Variants in CHN1 observed in about 807,000 individuals in gnomAD.
The protein encoded by CHN1 is N-chimaerin.
Under a neutral mutation model 59.5 loss-of-function variants are expected in CHN1, and 37 were observed. The ratio of observed to expected loss-of-function variants is 0.62; its 90% CI spans 0.48 to 0.82. The LOEUF is 0.82. CHN1 is among the 40% of genes least tolerant of loss of function. The pLI is 0.00. For synonymous variants in CHN1, 206 were observed against 200.4 expected, an observed-to-expected ratio of 1.03 and a Z score of -0.24; for missense variants, 469 against 571.0, an observed-to-expected ratio of 0.82 and a Z score of 1.82.
chr2:174,919,662 G>C (rs1688949776), intron 3 of CHN1, among the ~76,000 whole-genome samples: 1 of 151,940 alleles, frequency 6.6e-6, no homozygotes, highest in African/African-American at 2.4e-5. Context: ...CAAATAAAAG[G>C]GGTGTGTGAA....
chr2:174,865,800 A>T (rs1375768924), intron 6 of CHN1, among the ~76,000 whole-genome samples: 1 of 152,198 alleles, frequency 6.6e-6, no homozygotes, highest in Non-Finnish European at 1.5e-5. Context: ...CTCTTGGAAT[A>T]AGTTGTCAGA....
At chr2:174,869,953 A>T (rs972532637) in intron 6 of CHN1, among the ~76,000 whole-genome samples, 2 of 152,180 alleles carry the variant, frequency 1.3e-5, no homozygotes. Flanking sequence ...TTTTGGAGGG[A>T]AATTTTACAG....
intron 6 of CHN1, among the ~76,000 whole-genome samples, chr2:174,858,347 A>G (rs960580637): frequency 1.6e-4 from 25 of 152,208 alleles, no homozygotes; most frequent in African/African-American, 5.8e-4. Context: ...CATGGTATAA[A>G]GCAGATTTGT....
intron 11 of CHN1, among the ~76,000 whole-genome samples, chr2:174,807,558 G>A (rs1438512114): frequency 6.7e-6 from 1 of 148,696 alleles, no homozygotes; most frequent in Non-Finnish European, 1.5e-5. Flanking sequence ...GAGAGGAAAT[G>A]TCTGCCCCAT....
chr2:174,839,795 A>C (rs1393351628), intron 7 of CHN1, among the ~76,000 whole-genome samples: 1 of 151,956 alleles, frequency 6.6e-6, no homozygotes, highest in Non-Finnish European at 1.5e-5. Context: ...ATAGAAACAG[A>C]GTTTTGCCAT....
At chr2:174,868,507 C>A (rs1429790157) in intron 6 of CHN1, among the ~76,000 whole-genome samples, 2 of 152,162 alleles carry the variant, frequency 1.3e-5, no homozygotes, top group Non-Finnish European at 2.9e-5. Flanking sequence ...AGTCAACGTG[C>A]ATTGAAATCA....
intron 1 of CHN1, among the ~76,000 whole-genome samples, chr2:174,998,262 C>T (rs1028079504): frequency 7.4e-6 from 1 of 134,520 alleles, no homozygotes; most frequent in African/African-American, 2.7e-5. Flanking sequence ...GAGATTGCGC[C>T]ACTGCACTGC....
At chr2:174,843,796 G>A (rs2105430919) in intron 7 of CHN1, among the ~76,000 whole-genome samples, 1 of 152,152 alleles carries the variant, frequency 6.6e-6, no homozygotes, top group Admixed American at 6.5e-5. Flanking sequence ...CCGATGTAGA[G>A]AGAGATTAAG....
At chr2:174,800,578 A>G (rs1417315763) in intron 12 of CHN1, among the ~76,000 whole-genome samples, 1 of 152,242 alleles carries the variant, frequency 6.6e-6, no homozygotes, top group African/African-American at 2.4e-5. Flanking sequence ...CCTACAGCCT[A>G]TAGTTCTAAA....
chr2:175,000,638 T>G (rs1691861893), intron 1 of CHN1, among the ~76,000 whole-genome samples: 1 of 152,122 alleles, frequency 6.6e-6, no homozygotes, highest in African/African-American at 2.4e-5. Context: ...AAGGTGGGGA[T>G]TCACCATGTT....
intron 1 of CHN1, among the ~76,000 whole-genome samples, chr2:174,981,299 G>A (rs1207006915): frequency 1.3e-5 from 2 of 152,068 alleles, no homozygotes; most frequent in African/African-American, 2.4e-5. Flanking sequence ...CATGGGTGTG[G>A]GCTATAAGCA....
chr2:174,812,788 A>C (rs1011106095), intron 8 of CHN1, among the ~76,000 whole-genome samples: 3 of 152,208 alleles, frequency 2.0e-5, no homozygotes, highest in African/African-American at 7.2e-5. Context: ...AATATGTCAA[A>C]TAGCCAAAAA....
At chr2:174,928,489 A>G (rs1689239446) in intron 3 of CHN1, among the ~76,000 whole-genome samples, 1 of 152,244 alleles carries the variant, frequency 6.6e-6, no homozygotes, top group Non-Finnish European at 1.5e-5. Flanking sequence ...TGAGGGGATC[A>G]GGCAGATGAT....
chr2:174,987,821 G>T (rs1426208850), intron 1 of CHN1, among the ~76,000 whole-genome samples: 1 of 152,054 alleles, frequency 6.6e-6, no homozygotes, highest in African/African-American at 2.4e-5. Flanking sequence ...TTTAATAACT[G>T]TTGAGACTAC....
intron 1 of CHN1, among the ~76,000 whole-genome samples, chr2:174,976,784 TCAATC>T (rs1339929845): frequency 5.9e-5 from 9 of 152,312 alleles, no homozygotes; most frequent in Non-Finnish European, 1.2e-4. Flanking sequence ...ATTAAACTGA[TCAATC>T]CAATAAAATC....
At chr2:174,812,243 A>G in intron 9 of CHN1, 66 bp downstream of exon 9, 1 of 1,397,800 alleles carries the variant, frequency 7.2e-7, no homozygotes, top group Non-Finnish European at 9.6e-7. Context: ...GAGGTACCCA[A>G]AAGGCATCAG....
chr2:174,803,826 T>A (rs1304616309), intron 11 of CHN1, among the ~76,000 whole-genome samples: 1 of 152,196 alleles, frequency 6.6e-6, no homozygotes, highest in African/African-American at 2.4e-5. Context: ...AGTGCTGGGA[T>A]TACAGGTGTA....
At chr2:174,873,370 G>A (rs1466762277) in intron 6 of CHN1, among the ~76,000 whole-genome samples, 1 of 152,146 alleles carries the variant, frequency 6.6e-6, no homozygotes, top group African/African-American at 2.4e-5. Context: ...GACTGGGAAG[G>A]CACAAAATTA....
intron 6 of CHN1, among the ~76,000 whole-genome samples, chr2:174,872,926 G>C (rs1288568770): frequency 6.6e-6 from 1 of 152,096 alleles, no homozygotes; most frequent in African/African-American, 2.4e-5. Context: ...GTTCACCAGA[G>C]TAATGGTATC....
Sources: gnomAD v4.1 joint callset for allele counts (sites outside exome capture counted in the v4.1 genomes callset) on GRCh38, gnomAD v4.1.1 for gene constraint, MANE v1.5 for transcripts, NCBI Gene and HGNC (gene_info 2026-07-23, HGNC 2026-07-21) for gene names.